The following ZNF268 variants were observed in gnomAD, a reference collection of about 807,000 sequenced individuals.
ZNF268 encodes the protein zinc finger protein 3.
In ZNF268, 20 loss-of-function variants were observed where a neutral mutation model predicts 29.3. That is an observed-to-expected ratio of 0.68 (90% CI 0.48 to 0.99). The LOEUF (loss-of-function observed/expected upper bound fraction) is 0.99. Ranked by LOEUF, ZNF268 falls within the 50% of genes least tolerant of loss-of-function variation. The pLI is 0.00. For missense variants in ZNF268, 1,240 were observed against 1,121.6 expected, an observed-to-expected ratio of 1.11 and a Z score of -1.51; for synonymous variants, 429 against 376.9, an observed-to-expected ratio of 1.14 and a Z score of -1.60.
rs2135535444 is a variant in ZNF268 at position 133,209,938 on chromosome 12, G to A, written c.*5408G>A. On this transcript the variant is annotated 3_prime_UTR_variant, in exon 6 of 6. Transcript: ENST00000536435. Reference sequence around the variant, plus strand: ...GACTGTTGCAGTGTTTTGTCGCAGTGTTTCTCCCTTTTTTTGTACTGGGAT... The same window carrying A: ...GACTGTTGCAGTGTTTTGTCGCAGTATTTCTCCCTTTTTTTGTACTGGGAT... The A allele has an allele frequency of 6.6e-6, 1 of 152,308 alleles. No individual in the cohort carries two copies. Among genetic ancestry groups the A allele is most frequent in the Non-Finnish European group, 1.5e-5 (1 of 68,034 alleles). The allele number at this position is 152,308 out of a possible 1,614,324, so 9.4% of individuals were successfully genotyped here. A position where few individuals can be genotyped will look rare whatever the true frequency, so the allele number is the denominator to read the frequency against.
chr12:133,183,655 A>T (rs1956232049), intron 2 of ZNF268, among the ~76,000 whole-genome samples: 1 of 152,110 alleles, frequency 6.6e-6, no homozygotes, highest in Non-Finnish European at 1.5e-5. Context: ...TGAGTAAGGG[A>T]AGACTGTCAG....
At position 133,208,711 on chromosome 12, in the gene ZNF268, C is replaced by G. The variant is rs1463229961; in HGVS notation, c.*4181C>G. On this transcript the variant is annotated 3_prime_UTR_variant, in exon 6 of 6. Coordinates refer to ENST00000536435, the MANE Select transcript of ZNF268 (RefSeq NM_003415.3). ...ATCACTTTTATGAAATGAGTAACAT[C>G]TAGCCAAGGTGTGAAAACAAGGAAT... is the stretch of plus-strand genomic sequence containing the variant. 6.6e-6 allele frequency: 1 copy of G among 152,160 alleles called. No homozygotes were observed. Among genetic ancestry groups the G allele is most frequent in the Middle Eastern group, 3.2e-3 (1 of 316 alleles). The allele number at this position is 152,160 out of a possible 1,614,324, so 9.4% of individuals were successfully genotyped here.
In ZNF268 at chr12:133,204,721, A is replaced by G. The variant is rs1956856261; in HGVS notation, c.*191A>G. The G allele has an allele frequency of 2.2e-6, 1 of 462,948 alleles. No individual in the cohort carries two copies. The highest frequency in any genetic ancestry group is 3.3e-5 in the East Asian group (1 of 30,276). 28.7% of individuals were successfully genotyped at this position (462,948 alleles called of 1,614,324 possible). On this transcript the variant is annotated 3_prime_UTR_variant, in exon 6 of 6. Coordinates refer to ENST00000536435, the MANE Select transcript of ZNF268 (RefSeq NM_003415.3). ...TTTACATGCAAAAAGATAGTAGACA[A>G]TACACAGGAAAACTGAATTTAGTAA... is the stretch of plus-strand genomic sequence containing the variant.
rs1956881719 is a variant in ZNF268, at chr12:133,205,453, C to T, written c.*923C>T. The T allele has an allele frequency of 6.6e-6, 1 of 151,922 alleles. No homozygotes were observed. The highest frequency in any genetic ancestry group is 2.4e-5 in the African/African-American group (1 of 41,374). The allele number at this position is 151,922 out of a possible 1,614,324, so 9.4% of individuals were successfully genotyped here. A position where few individuals can be genotyped will look rare whatever the true frequency, so the allele number is the denominator to read the frequency against. On this transcript the variant is annotated 3_prime_UTR_variant, in exon 6 of 6. Coordinates refer to ENST00000536435, the MANE Select transcript of ZNF268 (RefSeq NM_003415.3). ...CAGTTTGGCATTTTACTTGCGAATGCCATATGTGAGACAAAAATCATCTTC... is the reference window on the plus strand; with the variant it reads ...CAGTTTGGCATTTTACTTGCGAATGTCATATGTGAGACAAAAATCATCTTC...
chr12:133,212,556 T>C lies in ZNF268; in HGVS notation c.*8026T>C, dbSNP rs545732535. ...ACACATATATATACACATATACACA[T>C]ATATATACACATATATATAATAAGA... On this transcript the variant is annotated 3_prime_UTR_variant, in exon 6 of 6. Transcript: ENST00000536435. 5 of 149,086 alleles carry C rather than the reference T, an allele frequency of 3.4e-5. No homozygotes were observed. Among genetic ancestry groups the C allele is most frequent in the South Asian group, 2.1e-4 (1 of 4,744 alleles). 9.2% of individuals were successfully genotyped at this position (149,086 alleles called of 1,614,324 possible).
chr12:133,195,144 G>A (rs1372773802), intron 5 of ZNF268, among the ~76,000 whole-genome samples: 1 of 152,188 alleles, frequency 6.6e-6, no homozygotes, highest in African/African-American at 2.4e-5. Context: ...TTCTGTGGCA[G>A]TGAAATAAGT....
intron 5 of ZNF268, 149 bp from the exon 6 acceptor site, chr12:133,201,995 C>T: frequency 3.5e-6 from 2 of 567,996 alleles, no homozygotes; most frequent in Non-Finnish European, 5.8e-6. Context: ...CTAAAAACCT[C>T]ATGATATGGC....
chr12:133,204,291 T>A lies in ZNF268; in HGVS notation c.2605T>A (p.Cys869Ser). The change falls in exon 6 of 6, where the codon TGT becomes AGT. Residue 869 changes from cysteine (C) to serine (S), a missense_variant. Cys to Ser is a moderately radical substitution (Grantham distance 112). Around this residue, in one of 3 missense-constraint regions of ZNF268, gnomAD observed 1,177 missense variants for 1,039.6 expected, o/e 1.13. Transcript: ENST00000536435. ...TREKPYECSE[C>S]GKAFIRNSQL... ...AGAGAAACCATATGAATGCAGTGAGTGTGGAAAAGCCTTCATTAGGAATTC... is the reference window on the plus strand; with the variant it reads ...AGAGAAACCATATGAATGCAGTGAGAGTGGAAAAGCCTTCATTAGGAATTC... The A allele has an allele frequency of 6.4e-7, 1 of 1,555,208 alleles. No individual in the cohort carries two copies. Among genetic ancestry groups the A allele is most frequent in the Non-Finnish European group, 8.7e-7 (1 of 1,153,636 alleles).
chr12:133,203,120 T>C lies in ZNF268; in HGVS notation c.1434T>C (p.Gly478=). ...AGCCCTATGGGTGTATTCAGTGTGG[T>C]AAAGGATTCAGTTTGAAATCACAGC... ...GVKPYGCIQC[G]KGFSLKSQLI... The change falls in exon 6 of 6, where the codon GGT becomes GGC. Residue 478 remains glycine, a synonymous_variant. Coordinates refer to ENST00000536435, the MANE Select transcript of ZNF268 (RefSeq NM_003415.3). The C allele has an allele frequency of 6.5e-7, 1 of 1,537,098 alleles. No individual in the cohort carries two copies. Among genetic ancestry groups the C allele is most frequent in the Non-Finnish European group, 8.7e-7 (1 of 1,146,716 alleles).
intron 2 of ZNF268, among the ~76,000 whole-genome samples, chr12:133,185,389 T>G (rs1353146901): frequency 1.5e-5 from 2 of 132,734 alleles, no homozygotes; most frequent in African/African-American, 5.8e-5. Flanking sequence ...CTTGGTAACC[T>G]GGAAGGAAGG....
At chr12:133,183,472 C>T (rs1488035544) in intron 2 of ZNF268, among the ~76,000 whole-genome samples, 2 of 150,976 alleles carry the variant, frequency 1.3e-5, no homozygotes, top group Non-Finnish European at 2.9e-5. Flanking sequence ...TGCACTCCAG[C>T]CTGGGTGACA....
chr12:133,181,778 A>T, intron 1 of ZNF268, 92 bp downstream of exon 1: 1 of 584,674 alleles, frequency 1.7e-6, no homozygotes, highest in Non-Finnish European at 3.1e-6. Flanking sequence ...CGGTTGCCTG[A>T]CCCTAACCTG....
chr12:133,182,879 T>A lies in ZNF268; in HGVS notation c.33+849T>A, dbSNP rs549208242. On this transcript the variant is annotated intron_variant, in intron 2 of 5. Transcript: ENST00000536435. ...GGCTTTGAGGACCCCATTAAAAACT[T>A]GGATTGTATCACATAGGGCAGGTGG... Among the ~76,000 whole-genome samples, 7 of 152,250 alleles carry A rather than the reference T, an allele frequency of 4.6e-5. No individual in the cohort carries two copies. The South Asian group carries it at 1.5e-3, about 32-fold the overall frequency.
chr12:133,193,678 G>A (rs1246656096), intron 5 of ZNF268: 14 of 447,152 alleles, frequency 3.1e-5, no homozygotes, highest in Non-Finnish European at 3.6e-5. Flanking sequence ...GTTTCAACAT[G>A]AGTTTTAGAG....
rs918835016 is a variant in ZNF268 at position 133,206,468 on chromosome 12, G to T, written c.*1938G>T. ...TACATGTAGCTATAGAGTCACAGTG[G>T]TGAAAAACTCTGCCAGTTGCTTACT... On this transcript the variant is annotated 3_prime_UTR_variant, in exon 6 of 6. Transcript: ENST00000536435. The T allele has an allele frequency of 1.4e-4, 21 of 152,140 alleles. No homozygotes were observed. The highest frequency in any genetic ancestry group is 5.1e-4 in the African/African-American group (21 of 41,430). 9.4% of individuals were successfully genotyped at this position (152,140 alleles called of 1,614,324 possible).
rs199607782 is a variant in ZNF268 at position 133,202,837 on chromosome 12, G to C, written c.1151G>C (p.Gly384Ala). The change falls in exon 6 of 6, where the codon GGA (glycine) becomes GCA (alanine). Residue 384 changes from glycine to alanine, a missense_variant. Physicochemically the swap from Gly to Ala is moderately conservative, Grantham distance 60 (BLOSUM62 0). This residue lies in a region of ZNF268 where 1,177 missense variants were observed against 1,039.6 expected (regional missense o/e 1.13). Coordinates refer to ENST00000536435, the MANE Select transcript of ZNF268 (RefSeq NM_003415.3). ...QLVSHQKTHS[G>A]QKPYVCNECG... is the part of the protein sequence containing the mutation. ...GTTTCACACCAGAAAACTCATTCAGGACAGAAACCATATGTGTGTAATGAA... is the reference window on the plus strand; with the variant it reads ...GTTTCACACCAGAAAACTCATTCAGCACAGAAACCATATGTGTGTAATGAA... 23 of 1,592,892 alleles carry C rather than the reference G, an allele frequency of 1.4e-5. No homozygotes were observed. The Admixed American group carries it at 1.7e-4, about 12-fold the overall frequency.
At chr12:133,190,606 C>G (rs1956443520) in intron 3 of ZNF268, among the ~76,000 whole-genome samples, 1 of 152,162 alleles carries the variant, frequency 6.6e-6, no homozygotes, top group African/African-American at 2.4e-5. Flanking sequence ...ATGTTTAGGT[C>G]TTTATCCCAC....
chr12:133,192,106 A>ATTT, intron 5 of ZNF268, 103 bp downstream of exon 5: 1 of 768,962 alleles, frequency 1.3e-6, no homozygotes, highest in South Asian at 2.6e-5. Context: ...ATTACCATGC[A>ATTT]CTTTTTTTTT....
At position 133,202,420 on chromosome 12, in the gene ZNF268, GA is replaced by G. The variant is rs1956776234; in HGVS notation, c.736del (p.Ile246Ter). On this transcript the variant is annotated frameshift_variant, in exon 6 of 6. Transcript: ENST00000536435. LOFTEE classifies it low-confidence loss of function (END_TRUNC). Reference sequence around the variant, plus strand: ...TCTAAACATGAGCAAACTGTTATTGGAATAAAATACTGTGAAAGTATTGAAT... The same window carrying G: ...TCTAAACATGAGCAAACTGTTATTGGATAAAATACTGTGAAAGTATTGAAT... ...FHSKHEQTVI[G>X]IKYCESIESG... 6.2e-7 allele frequency: 1 copy of G among 1,610,520 alleles called. No homozygotes were observed. The highest frequency in any genetic ancestry group is 1.7e-5 in the Admixed American group (1 of 59,332).
Sources: allele counts gnomAD v4.1 joint callset (sites outside exome capture counted in the v4.1 genomes callset), GRCh38; gene constraint gnomAD v4.1.1; regional missense constraint gnomAD v4.1.1; transcripts MANE v1.5; gene names NCBI Gene and HGNC (gene_info 2026-07-23, HGNC 2026-07-21).